EPHB1: variants seen among roughly 807,000 people sequenced by gnomAD.
EPHB1 encodes the protein ephrin type-B receptor 1.
EPHB1 carries 30 observed loss-of-function variants against 94.4 expected under a neutral mutation model. The observed-to-expected ratio is 0.32, with a 90% CI of 0.24 to 0.43. The LOEUF is 0.43. Among genes scored for constraint, EPHB1 ranks in the 20% least tolerant of loss-of-function variants. EPHB1 has a pLI of 1.00. For synonymous variants in EPHB1, 522 were observed against 489.1 expected (o/e 1.07, Z -0.89); for missense variants, 1,055 against 1,308.3 (o/e 0.81, Z 2.99).
chr3:135,030,050 C>G (rs1214511194), intron 3 of EPHB1, among the ~76,000 whole-genome samples: 19 of 151,016 alleles, frequency 1.3e-4, no homozygotes, highest in African/African-American at 4.4e-4. Flanking sequence ...TCACGTAGTT[C>G]TCGAGCCTTG....
intron 3 of EPHB1, among the ~76,000 whole-genome samples, chr3:135,073,954 G>T (rs1048397303): frequency 6.6e-6 from 1 of 152,140 alleles, no homozygotes; most frequent in Non-Finnish European, 1.5e-5. Flanking sequence ...TATTTGGAAA[G>T]AATACTTCAA....
chr3:134,955,071 CTTTTTTTTTTTTTTTTTTTTTTTTTTTT>C lies in EPHB1; in HGVS notation c.805+3024_805+3051del, dbSNP rs1197013147. ...CTAAGGCCTGTTCCTGACATCCTTTCTTTTTTTTTTTTTTTTTTTTTTTTTTTTTTTTAATTTTTTTTTTTTTAATTAT... is the reference window on the plus strand; with the variant it reads ...CTAAGGCCTGTTCCTGACATCCTTTCTTTTAATTTTTTTTTTTTTAATTAT... On this transcript the variant is annotated intron_variant, in intron 3 of 15. Coordinates refer to ENST00000398015, the MANE Select transcript of EPHB1 (RefSeq NM_004441.5). 7.1e-4 allele frequency among the ~76,000 whole-genome samples: 6 copies of C among 8,412 alleles called. 2 individuals are homozygous for C. The Admixed American group carries it at 0.016, about 22-fold the overall frequency. 5.5% of individuals were successfully genotyped at this position (8,412 alleles called of 152,430 possible).
At chr3:134,848,744 C>G (rs2036922367) in intron 1 of EPHB1, among the ~76,000 whole-genome samples, 1 of 152,194 alleles carries the variant, frequency 6.6e-6, no homozygotes, top group African/African-American at 2.4e-5. Flanking sequence ...GTCCCAGCCA[C>G]TCAGGGAGGG....
chr3:135,180,527 A>G (rs896792992), intron 10 of EPHB1, among the ~76,000 whole-genome samples: 8 of 152,184 alleles, frequency 5.3e-5, no homozygotes, highest in African/African-American at 1.4e-4. Flanking sequence ...CAAAAAATCT[A>G]TGGTACAGCT....
At chr3:134,928,811 G>A (rs1205190453) in intron 2 of EPHB1, among the ~76,000 whole-genome samples, 1 of 151,126 alleles carries the variant, frequency 6.6e-6, no homozygotes, top group Non-Finnish European at 1.5e-5. Context: ...GTGCCAAATA[G>A]AACCTGACCA....
Position 135,030,240 on chromosome 3 carries a change from C to T in EPHB1, c.806-76208C>T, listed in dbSNP as rs549654062. Among the ~76,000 whole-genome samples, 23 of 152,334 alleles carry T rather than the reference C, an allele frequency of 1.5e-4. No homozygotes were observed. The South Asian group carries it at 2.7e-3, about 18-fold the overall frequency. ...CTCTCAGCTCGTCAAAGTCATTCTCCGTCCAGCTTTGTTCTGTTGCTGGTG... is the reference window on the plus strand; with the variant it reads ...CTCTCAGCTCGTCAAAGTCATTCTCTGTCCAGCTTTGTTCTGTTGCTGGTG... On this transcript the variant is annotated intron_variant, in intron 3 of 15. Coordinates refer to ENST00000398015, the MANE Select transcript of EPHB1 (RefSeq NM_004441.5).
At chr3:135,016,701 C>T (rs184070145) in intron 3 of EPHB1, among the ~76,000 whole-genome samples, 44 of 152,340 alleles carry the variant, frequency 2.9e-4, no homozygotes, top group Middle Eastern at 3.4e-3. Flanking sequence ...AGCCCAGGCT[C>T]CCCTACATGG....
At chr3:135,166,180 C>G (rs1287388529) in intron 8 of EPHB1, 104 bp downstream of exon 8, 1 of 750,274 alleles carries the variant, frequency 1.3e-6, no homozygotes, top group African/African-American at 1.7e-5. Context: ...CATTCACGAC[C>G]ACAATCATCA....
rs914216326 is a variant in EPHB1 at position 134,851,076 on chromosome 3, G to A, written c.58+55387G>A. 2.6e-5 allele frequency among the ~76,000 whole-genome samples: 4 copies of A among 152,362 alleles called. No homozygotes were observed. The South Asian group carries it at 6.2e-4, about 24-fold the overall frequency. On this transcript the variant is annotated intron_variant, in intron 1 of 15. Transcript: ENST00000398015. ...ACTGAAGATCTGAGTGTGTTTGAAG[G>A]GAAAGGTGCTGGTCCTGTGTCCCTC...
chr3:135,131,275 C>T (rs1289328941), intron 4 of EPHB1, among the ~76,000 whole-genome samples: 1 of 152,150 alleles, frequency 6.6e-6, no homozygotes, highest in Non-Finnish European at 1.5e-5. Flanking sequence ...TAATAGAACC[C>T]GATTTAATAT....
chr3:134,949,319 C>G (rs1241705794), intron 2 of EPHB1, among the ~76,000 whole-genome samples: 3 of 152,072 alleles, frequency 2.0e-5, no homozygotes, highest in Non-Finnish European at 4.4e-5. Flanking sequence ...GTTTAGATGC[C>G]TTGGTGGCAG....
intron 1 of EPHB1, 42 bp from the exon 2 acceptor site, chr3:134,925,764 ATCCTTCTGAC>A (rs2107702121): frequency 1.3e-6 from 2 of 1,484,658 alleles, no homozygotes; most frequent in Admixed American, 4.1e-5. Flanking sequence ...CTGTATAGCA[ATCCTTCTGAC>A]TCATTGTTTT....
chr3:135,027,191 T>G (rs1936215774), intron 3 of EPHB1, among the ~76,000 whole-genome samples: 1 of 151,786 alleles, frequency 6.6e-6, no homozygotes, highest in Non-Finnish European at 1.5e-5. Context: ...CTTTTCCTAA[T>G]TGAATACCCT....
chr3:135,146,815 G>A (rs1456202124), intron 5 of EPHB1, among the ~76,000 whole-genome samples: 3 of 152,104 alleles, frequency 2.0e-5, no homozygotes, highest in Admixed American at 2.0e-4. Flanking sequence ...ATTTACCTTG[G>A]GGAATGATGC....
At chr3:135,041,846 TG>T (rs1366273002) in intron 3 of EPHB1, among the ~76,000 whole-genome samples, 1 of 151,922 alleles carries the variant, frequency 6.6e-6, no homozygotes, top group Non-Finnish European at 1.5e-5. Flanking sequence ...CATCCCATGG[TG>T]GAAAGCAGAT....
chr3:135,085,721 C>T (rs1246116495), intron 3 of EPHB1, among the ~76,000 whole-genome samples: 1 of 152,196 alleles, frequency 6.6e-6, no homozygotes, highest in East Asian at 1.9e-4. Flanking sequence ...GGGCCTTGCC[C>T]TCCTTGCCTC....
intron 6 of EPHB1, among the ~76,000 whole-genome samples, chr3:135,160,502 C>T (rs1277472317): frequency 6.6e-6 from 1 of 151,968 alleles, no homozygotes; most frequent in African/African-American, 2.4e-5. Flanking sequence ...CTCAGTACCC[C>T]AGATCTGCAC....
chr3:134,868,920 A>G (rs1229902579), intron 1 of EPHB1, among the ~76,000 whole-genome samples: 1 of 152,224 alleles, frequency 6.6e-6, no homozygotes. Flanking sequence ...CGCTTGATGC[A>G]TTTGAGGTTC....
chr3:134,938,934 C>T (rs985359650), intron 2 of EPHB1, among the ~76,000 whole-genome samples: 7 of 152,090 alleles, frequency 4.6e-5, no homozygotes, highest in African/African-American at 1.7e-4. Context: ...GCTGGGGATC[C>T]GCATGATTAT....
Sources: gnomAD v4.1 joint callset for allele counts (sites outside exome capture counted in the v4.1 genomes callset) on GRCh38, gnomAD v4.1.1 for gene constraint, MANE v1.5 for transcripts, NCBI Gene and HGNC (gene_info 2026-07-23, HGNC 2026-07-21) for gene names.